The following SUCLA2 variants were observed in gnomAD, a reference collection of about 807,000 sequenced individuals.
SUCLA2 encodes the protein succinate-CoA ligase ADP-forming subunit beta, also known as succinate--CoA ligase [ADP-forming] subunit beta, mitochondrial.
SUCLA2 carries 30 observed loss-of-function variants against 54.8 expected under a neutral mutation model. The ratio of observed to expected loss-of-function variants is 0.55; its 90% confidence interval spans 0.41 to 0.74. The LOEUF is 0.74. Ranked by LOEUF, SUCLA2 falls within the 30% of genes least tolerant of loss-of-function variation. SUCLA2 has a pLI of 0.00. For missense variants in SUCLA2, 476 were observed against 562.9 expected, an observed-to-expected ratio of 0.85 and a Z score of 1.56; for synonymous variants, 172 against 188.9, an observed-to-expected ratio of 0.91 and a Z score of 0.74.
At chr13:47,969,875 G>A (rs1949948660) in intron 5 of SUCLA2, among the ~76,000 whole-genome samples, 1 of 152,128 alleles carries the variant, frequency 6.6e-6, no homozygotes, top group Non-Finnish European at 1.5e-5. Context: ...GACAAAGAGG[G>A]CGGATCACTT....
At chr13:47,961,503 T>C (rs1311882970) in intron 6 of SUCLA2, among the ~76,000 whole-genome samples, 2 of 139,708 alleles carry the variant, frequency 1.4e-5, no homozygotes, top group Non-Finnish European at 1.6e-5. Context: ...AGATCGAAAT[T>C]CAGTCTTTTT....
At chr13:47,964,387 G>A (rs2137708895) in intron 6 of SUCLA2, among the ~76,000 whole-genome samples, 1 of 152,214 alleles carries the variant, frequency 6.6e-6, no homozygotes, top group South Asian at 2.1e-4. Context: ...CTTGATTGTG[G>A]TAGTGGCTAC....
intron 2 of SUCLA2, among the ~76,000 whole-genome samples, chr13:47,993,120 A>G (rs762875623): frequency 3.9e-5 from 6 of 152,120 alleles, no homozygotes; most frequent in Non-Finnish European, 7.4e-5. Context: ...AGTCCCAGCT[A>G]CTCAGCAGGC....
chr13:47,948,342 C>A (rs570752955), intron 10 of SUCLA2, among the ~76,000 whole-genome samples: 264 of 152,196 alleles, frequency 1.7e-3, no homozygotes, highest in African/African-American at 6.1e-3. Flanking sequence ...GATAGATACA[C>A]ACACATACAT....
intron 4 of SUCLA2, among the ~76,000 whole-genome samples, chr13:47,976,139 A>G (rs775138656): frequency 2.6e-5 from 4 of 152,310 alleles, no homozygotes; most frequent in East Asian, 1.9e-4. Flanking sequence ...TAGAACCCCA[A>G]TGAAAACTCT....
intron 2 of SUCLA2, among the ~76,000 whole-genome samples, chr13:47,991,849 T>C (rs1167777778): frequency 1.3e-5 from 2 of 152,220 alleles, no homozygotes; most frequent in Non-Finnish European, 2.9e-5. Flanking sequence ...CCTTTTCAAT[T>C]ACCCTGTCTC....
chr13:48,001,168 G>A lies in SUCLA2; in HGVS notation c.90+12C>T. ...CCGACCCTCGAGACGACAGCGGACT[G>A]GAAGGCATTACCTGAGCAGCAGCCC... On this transcript the variant is annotated intron_variant, in intron 1 of 10. Coordinates refer to ENST00000646932, the MANE Select transcript of SUCLA2 (RefSeq NM_003850.3). 1 of 1,606,480 alleles carries A rather than the reference G, an allele frequency of 6.2e-7. No homozygotes were observed. Among genetic ancestry groups the A allele is most frequent in the Non-Finnish European group, 8.5e-7 (1 of 1,177,038 alleles).
intron 8 of SUCLA2, 135 bp downstream of exon 8, chr13:47,954,004 GC>G: frequency 1.3e-6 from 1 of 793,514 alleles, no homozygotes; most frequent in Non-Finnish European, 1.7e-6. Flanking sequence ...AGATATGATA[GC>G]AAAAAAAGAC....
intron 6 of SUCLA2, among the ~76,000 whole-genome samples, chr13:47,964,812 G>A (rs779473839): frequency 3.3e-5 from 5 of 152,082 alleles, no homozygotes; most frequent in South Asian, 2.1e-4. Context: ...AGCTGAGATC[G>A]TGCCACTGCA....
intron 5 of SUCLA2, chr13:47,971,934 G>A (rs1949969504): frequency 2.5e-6 from 1 of 398,266 alleles, no homozygotes; most frequent in African/African-American, 2.1e-5. Context: ...AGTTATAAAA[G>A]ACCTATGAGA....
chr13:47,963,362 G>A (rs1162249970), intron 6 of SUCLA2, among the ~76,000 whole-genome samples: 1 of 152,210 alleles, frequency 6.6e-6, no homozygotes, highest in East Asian at 1.9e-4. Flanking sequence ...ACAGATAGAA[G>A]GCCAGGTGCA....
In SUCLA2 at chr13:47,954,564, AG is replaced by A; in HGVS notation, c.803-8del. The stretch of plus-strand genomic sequence containing the variant: ...TTTGCATCCATACACAATACTTTGA[AG>A]GGAAAAAGAGAAAAATGACCTTAAT... On this transcript the variant is annotated splice_region_variant and splice_polypyrimidine_tract_variant and intron_variant, in intron 6 of 10. Transcript: ENST00000646932. The A allele has an allele frequency of 6.2e-7, 1 of 1,612,898 alleles. No homozygotes were observed. Among genetic ancestry groups the A allele is most frequent in the South Asian group, 1.1e-5 (1 of 91,056 alleles).
At position 47,988,983 on chromosome 13, in the gene SUCLA2, TAGA is replaced by T. The variant is rs746882079; in HGVS notation, c.272-5_272-3del. 38 of 1,612,992 alleles carry T rather than the reference TAGA, an allele frequency of 2.4e-5. No homozygotes were observed. Among genetic ancestry groups the T allele is most frequent in the Non-Finnish European group, 3.1e-5 (36 of 1,179,702 alleles). On this transcript the variant is annotated splice_region_variant and splice_polypyrimidine_tract_variant and intron_variant, in intron 2 of 10. Transcript: ENST00000646932. ...CCTTTATCACGACATCTTTTGAACCTAGAAGAAAAACACTTCTATTAAATATGA... is the reference window on the plus strand; with the variant it reads ...CCTTTATCACGACATCTTTTGAACCTAGAAAAACACTTCTATTAAATATGA...
intron 2 of SUCLA2, among the ~76,000 whole-genome samples, 167 bp downstream of exon 2, chr13:47,996,676 A>C (rs1440265953): frequency 2.0e-5 from 3 of 151,940 alleles, no homozygotes; most frequent in Non-Finnish European, 4.4e-5. Flanking sequence ...TAATAATAAT[A>C]ATAATTTTAG....
chr13:47,958,166 G>A (rs1949837143), intron 6 of SUCLA2, among the ~76,000 whole-genome samples: 1 of 152,192 alleles, frequency 6.6e-6, no homozygotes, highest in African/African-American at 2.4e-5. Context: ...GTTCTTTGGA[G>A]TCTGGGGAGG....
At chr13:47,997,859 G>A (rs1361856830) in intron 1 of SUCLA2, among the ~76,000 whole-genome samples, 1 of 152,030 alleles carries the variant, frequency 6.6e-6, no homozygotes, top group East Asian at 1.9e-4. Context: ...AATTAACTGG[G>A]TGCTTGTAAT....
At chr13:47,977,312 A>G (rs1479061695) in intron 4 of SUCLA2, among the ~76,000 whole-genome samples, 1 of 152,192 alleles carries the variant, frequency 6.6e-6, no homozygotes, top group Non-Finnish European at 1.5e-5. Context: ...AGCAACAGGA[A>G]GCCCGGGACC....
At chr13:47,949,921 C>T (rs979297018) in intron 8 of SUCLA2, among the ~76,000 whole-genome samples, 62 of 152,208 alleles carry the variant, frequency 4.1e-4, no homozygotes, top group African/African-American at 1.4e-3. Context: ...TGACTACCCC[C>T]AGATCATACT....
intron 2 of SUCLA2, among the ~76,000 whole-genome samples, chr13:47,994,477 A>G (rs1339287660): frequency 2.0e-5 from 3 of 148,580 alleles, no homozygotes; most frequent in Non-Finnish European, 4.5e-5. Flanking sequence ...CTGAGGCAGG[A>G]GAATTGCTTG....
Sources: allele counts gnomAD v4.1 joint callset (sites outside exome capture counted in the v4.1 genomes callset), GRCh38; gene constraint gnomAD v4.1.1; transcripts MANE v1.5; gene names NCBI Gene and HGNC (gene_info 2026-07-23, HGNC 2026-07-21).